NTN1: variants seen among roughly 807,000 people sequenced by gnomAD.
The protein encoded by NTN1 is netrin-1.
In NTN1, 11 loss-of-function variants were observed where a neutral mutation model predicts 54.2. The observed-to-expected ratio is 0.20, with a 90% CI of 0.13 to 0.34. The LOEUF (loss-of-function observed/expected upper bound fraction) is 0.34, where lower values mean the gene tolerates loss of function less well. NTN1 is among the 10% of genes least tolerant of loss of function. The pLI is 1.00. For missense variants in NTN1, 740 were observed against 893.1 expected (o/e 0.83, Z 2.18); for synonymous variants, 371 against 382.0 (o/e 0.97, Z 0.33).
At chr17:9,219,000 G>A (rs573277015) in intron 5 of NTN1, among the ~76,000 whole-genome samples, 4 of 152,084 alleles carry the variant, frequency 2.6e-5, no homozygotes, top group South Asian at 4.2e-4. Flanking sequence ...ATTCCAATTC[G>A]CTTCCCTAAG....
intron 2 of NTN1, among the ~76,000 whole-genome samples, chr17:9,094,766 G>A (rs916027410): frequency 5.9e-5 from 9 of 152,010 alleles, no homozygotes; most frequent in Admixed American, 1.3e-4. Context: ...TGAGGCAGGC[G>A]GATCACGAGG....
chr17:9,003,209 C>T, the NTN1 span, among the ~76,000 whole-genome samples: 3 of 151,888 alleles, frequency 2.0e-5, no homozygotes, highest in African/African-American at 2.4e-5. This position sits in a 1 kb window ranked among gnomAD's most constrained non-coding sequence, Gnocchi z 7.4. Flanking sequence ...GCCCCGCGCT[C>T]GGGAAGCTCT....
Position 9,023,159 on chromosome 17 carries a change from G to C in NTN1, c.786G>C (p.Glu262Asp). 6.4e-7 allele frequency: 1 copy of C among 1,563,734 alleles called. No individual in the cohort carries two copies. The highest frequency in any genetic ancestry group is 8.7e-7 in the Non-Finnish European group (1 of 1,152,536). ...TGCACACGTTCGGCGACGAGAACGA[G>C]GACGACTCGGAGCTGGCGCGCGACT... ...SRLHTFGDEN[E>D]DDSELARDSY... The change falls in exon 2 of 7, where the codon GAG becomes GAC. Residue 262 changes from glutamate (E) to aspartate (D), a missense_variant. Physicochemically the swap from Glu to Asp is conservative, Grantham distance 45. Transcript: ENST00000173229.
At chr17:9,233,724 C>T (rs968437224) in intron 6 of NTN1, among the ~76,000 whole-genome samples, 3 of 151,988 alleles carry the variant, frequency 2.0e-5, no homozygotes, top group African/African-American at 7.3e-5. Context: ...AATGGGTCAA[C>T]ATTGGGACTC....
chr17:9,003,837 C>A, the NTN1 span, among the ~76,000 whole-genome samples: 13 of 152,274 alleles, frequency 8.5e-5, no homozygotes, highest in East Asian at 2.5e-3. This position sits in a 1 kb window ranked among gnomAD's most constrained non-coding sequence, Gnocchi z 7.4. Flanking sequence ...ACAGAAAATG[C>A]CATTCGCCGA....
chr17:9,163,121 T>A (rs1311094408), intron 3 of NTN1, 120 bp downstream of exon 3: 16 of 884,248 alleles, frequency 1.8e-5, no homozygotes, highest in Non-Finnish European at 2.6e-5. Flanking sequence ...TTGTCTGAGG[T>A]CATCTCTCTC....
intron 6 of NTN1, among the ~76,000 whole-genome samples, chr17:9,226,162 C>CAGGGGGGGGGGGGG (rs772507723): frequency 1.7e-5 from 2 of 116,452 alleles, no homozygotes; most frequent in African/African-American, 3.2e-5. Context: ...GATTTGGGGT[C>CAGGGGGGGGGGGGG]GGGGGGGGGC....
At chr17:9,125,035 C>T (rs752006627) in intron 2 of NTN1, among the ~76,000 whole-genome samples, 22 of 152,084 alleles carry the variant, frequency 1.4e-4, no homozygotes, top group African/African-American at 4.6e-4. Flanking sequence ...ACTTCTAGCA[C>T]GCGGGGAGCT....
chr17:9,058,637 CAAAAAAAAAAAA>C (rs3053457), intron 2 of NTN1, among the ~76,000 whole-genome samples: 6 of 58,906 alleles, frequency 1.0e-4, no homozygotes, highest in African/African-American at 2.5e-4. Flanking sequence ...GGTAGGCACT[CAAAAAAAAAAAA>C]AAAAAAAAAA....
upstream of NTN1, among the ~76,000 whole-genome samples, chr17:9,017,314 C>T (rs1237050474): frequency 6.6e-6 from 1 of 152,192 alleles, no homozygotes. Flanking sequence ...CACTCCACAA[C>T]CCCAGACAGC....
intron 2 of NTN1, among the ~76,000 whole-genome samples, chr17:9,114,143 CAAAAAAAAAGAAAA>C (rs2092201619): frequency 6.5e-5 from 4 of 61,084 alleles, no homozygotes; most frequent in African/African-American, 2.5e-4. Context: ...GCCTGGGTGC[CAAAAAAAAAGAAAA>C]AAAAAAAAAA....
intron 2 of NTN1, among the ~76,000 whole-genome samples, chr17:9,061,818 C>T (rs1282851099): frequency 6.6e-6 from 1 of 152,156 alleles, no homozygotes; most frequent in Non-Finnish European, 1.5e-5. Flanking sequence ...ATTCTCCTGC[C>T]TCAGCCTCCC....
upstream of NTN1, among the ~76,000 whole-genome samples, chr17:9,019,441 C>A (rs2091838756): frequency 6.6e-6 from 1 of 152,178 alleles, no homozygotes; most frequent in African/African-American, 2.4e-5. Flanking sequence ...GATCAAGCGA[C>A]CTCATACTAA....
At chr17:9,039,120 C>A (rs1351636842) in intron 2 of NTN1, among the ~76,000 whole-genome samples, 1 of 152,188 alleles carries the variant, frequency 6.6e-6, no homozygotes, top group Non-Finnish European at 1.5e-5. Flanking sequence ...AATCTGTTTT[C>A]CTGCCACTTT....
intron 2 of NTN1, among the ~76,000 whole-genome samples, chr17:9,109,971 T>C (rs1033379171): frequency 6.6e-6 from 1 of 152,252 alleles, no homozygotes; most frequent in Admixed American, 6.5e-5. Context: ...GTTGTCTTTT[T>C]CTTATTTATT....
the NTN1 span, among the ~76,000 whole-genome samples, chr17:9,012,275 G>A: frequency 6.6e-6 from 1 of 152,078 alleles, no homozygotes; most frequent in Non-Finnish European, 1.5e-5. Flanking sequence ...ACTTTGGGAG[G>A]CCGAGGTGGG....
rs1906293391 is a variant in NTN1, at chr17:9,243,445, C to T, written c.*3477C>T. ...TAAGGGACTGGGGAATGGTTCCTGCCTTCAGGAAAGTGAAAGACGCTTAGG... is the reference window on the plus strand; with the variant it reads ...TAAGGGACTGGGGAATGGTTCCTGCTTTCAGGAAAGTGAAAGACGCTTAGG... On this transcript the variant is annotated 3_prime_UTR_variant, in exon 7 of 7. Transcript: ENST00000173229. 6.6e-6 allele frequency: 1 copy of T among 152,302 alleles called. No individual in the cohort carries two copies. Among genetic ancestry groups the T allele is most frequent in the South Asian group, 2.1e-4 (1 of 4,836 alleles). 9.4% of individuals were successfully genotyped at this position (152,302 alleles called of 1,614,324 possible).
intron 5 of NTN1, among the ~76,000 whole-genome samples, chr17:9,190,866 C>A (rs1470339894): frequency 6.6e-6 from 1 of 151,802 alleles, no homozygotes; most frequent in Non-Finnish European, 1.5e-5. Flanking sequence ...AAAAAAAAAT[C>A]TAGAAACATA....
At chr17:9,098,925 TA>T (rs1165391995) in intron 2 of NTN1, among the ~76,000 whole-genome samples, 6 of 152,258 alleles carry the variant, frequency 3.9e-5, no homozygotes, top group African/African-American at 1.4e-4. Context: ...TCTTTCCTTC[TA>T]GGGAACACAC....
Sources: allele counts gnomAD v4.1 joint callset (sites outside exome capture counted in the v4.1 genomes callset), GRCh38; gene constraint gnomAD v4.1.1; non-coding constraint Gnocchi (gnomAD v3.1); transcripts MANE v1.5; gene names NCBI Gene and HGNC (gene_info 2026-07-23, HGNC 2026-07-21).